SLC51A: variants seen among roughly 807,000 people sequenced by gnomAD.
SLC51A encodes the protein organic solute transporter subunit alpha.
A neutral mutation model predicts 34.8 loss-of-function variants in SLC51A; 22 were observed. That is an observed-to-expected ratio of 0.63 (90% confidence interval 0.45 to 0.90). SLC51A has a LOEUF of 0.90. SLC51A is among the 40% of genes least tolerant of loss of function. The pLI is 0.00. For missense variants in SLC51A, 371 were observed against 414.8 expected (o/e 0.89, Z 0.92); for synonymous variants, 181 against 176.3 (o/e 1.03, Z -0.21).
At position 196,233,187 on chromosome 3, in the gene SLC51A, C is replaced by T; in HGVS notation, c.1011C>T (p.Asn337=). 6.2e-7 allele frequency: 1 copy of T among 1,614,190 alleles called. No homozygotes were observed. Among genetic ancestry groups the T allele is most frequent in the Non-Finnish European group, 8.5e-7 (1 of 1,180,034 alleles). The part of the protein sequence containing the change: ...ETFSSPDLDL[N]LKA ...TCTCTTCTCCAGACCTGGACTTGAA[C>T]CTCAAAGCCTAAGGTGGATGGCTTG... The change falls in exon 9 of 9, where the codon AAC becomes AAT. Residue 337 remains asparagine, a synonymous_variant. Coordinates refer to ENST00000296327, the MANE Select transcript of SLC51A (RefSeq NM_152672.6).
intron 6 of SLC51A, among the ~76,000 whole-genome samples, chr3:196,229,669 G>A (rs971014651): frequency 1.1e-4 from 15 of 140,104 alleles, no homozygotes; most frequent in South Asian, 9.2e-4. Flanking sequence ...GAGCCACCAC[G>A]CCTGGCCCAT....
In SLC51A at chr3:196,228,783, T is replaced by C; in HGVS notation, c.522-26T>C. 1 of 1,600,432 alleles carries C rather than the reference T, an allele frequency of 6.2e-7. No homozygotes were observed. The highest frequency in any genetic ancestry group is 1.1e-5 in the South Asian group (1 of 90,788). On this transcript the variant is annotated intron_variant, in intron 5 of 8. Transcript: ENST00000296327. This position sits in a 1 kb window ranked among gnomAD's most constrained non-coding sequence, Gnocchi z 4.9. ...CTGGGGCAGGGGGTTTGTGGGCCCA[T>C]GTTCCTAACCCTCTTCCCCACTCAG...
intron 2 of SLC51A, among the ~76,000 whole-genome samples, chr3:196,223,169 C>T (rs1472585266): frequency 6.6e-6 from 1 of 151,820 alleles, no homozygotes; most frequent in African/African-American, 2.4e-5. Flanking sequence ...CACTTCCAGG[C>T]TGTGTGACCC....
In SLC51A at chr3:196,216,661, G is replaced by A. The variant is rs943271117; in HGVS notation, c.-52G>A. ...CCCCCGGCCCCCACCTGCCCGCCCC[G>A]CCTGCCCTTCCTCACCCCGGTGCCT... is the stretch of plus-strand genomic sequence containing the variant. On this transcript the variant is annotated 5_prime_UTR_variant, in exon 1 of 9. Transcript: ENST00000296327. The surrounding 1 kb of genome is among the most constrained non-coding windows in gnomAD (Gnocchi z 4.5). 21 of 1,247,798 alleles carry A rather than the reference G, an allele frequency of 1.7e-5. No individual in the cohort carries two copies. The highest frequency in any genetic ancestry group is 4.7e-5 in the African/African-American group (3 of 63,320). 77.3% of individuals were successfully genotyped at this position (1,247,798 alleles called of 1,614,324 possible). A position where few individuals can be genotyped will look rare whatever the true frequency, so the allele number is the denominator to read the frequency against.
Position 196,233,133 on chromosome 3 carries a change from G to A in SLC51A, c.957G>A (p.Arg319=). The stretch of plus-strand genomic sequence containing the variant: ...TGCTGACACGAATGTACTACCGAAG[G>A]AAAGACCACAAGGTTGGGTATGAAA... ...MTVLTRMYYR[R]KDHKVGYETF... The change falls in exon 9 of 9, where the codon AGG becomes AGA. Residue 319 remains arginine (R), a synonymous_variant. Coordinates refer to ENST00000296327, the MANE Select transcript of SLC51A (RefSeq NM_152672.6). 1 of 1,614,204 alleles carries A rather than the reference G, an allele frequency of 6.2e-7. No homozygotes were observed. The highest frequency in any genetic ancestry group is 1.1e-5 in the South Asian group (1 of 91,084).
chr3:196,231,160 A>G (rs1309514031), intron 7 of SLC51A, among the ~76,000 whole-genome samples: 1 of 152,074 alleles, frequency 6.6e-6, no homozygotes, highest in African/African-American at 2.4e-5. Context: ...CCATTTTACA[A>G]AGGAAGAAAC....
chr3:196,216,799 C>G lies in SLC51A; in HGVS notation c.38+49C>G. The G allele has an allele frequency of 1.3e-6, 2 of 1,534,718 alleles. No homozygotes were observed. Among genetic ancestry groups the G allele is most frequent in the Non-Finnish European group, 1.8e-6 (2 of 1,134,998 alleles). On this transcript the variant is annotated intron_variant, in intron 1 of 8. Coordinates refer to ENST00000296327, the MANE Select transcript of SLC51A (RefSeq NM_152672.6). This position sits in a 1 kb window ranked among gnomAD's most constrained non-coding sequence, Gnocchi z 4.5. The stretch of plus-strand genomic sequence containing the variant: ...GGCCAGTCGCTGGGCAGCGGTGGCC[C>G]CTATCCCGCGGCCTGTCCTCTCTCC...
intron 2 of SLC51A, among the ~76,000 whole-genome samples, chr3:196,226,100 T>G (rs1723884865): frequency 6.6e-6 from 1 of 152,182 alleles, no homozygotes. Context: ...AAGGACTGCT[T>G]AAGCCTAGGA....
Position 196,227,683 on chromosome 3 carries a change from G to C in SLC51A, c.308G>C (p.Cys103Ser), listed in dbSNP as rs149437891. Residue 103 changes from cysteine (C) to serine (S), a missense_variant, in exon 4 of 9, where the codon TGC (cysteine) becomes TCC (serine). Physicochemically the swap from Cys to Ser is moderately radical, Grantham distance 112 (BLOSUM62 -1). Coordinates refer to ENST00000296327, the MANE Select transcript of SLC51A (RefSeq NM_152672.6). ...GAGCAGGTGGTGTCTGTGCTGTGCT[G>C]CTTTGGTCTCTGGATCCCTCGTTCC... ...SAPTVVSVLC[C>S]FGLWIPRSLV... 1.1e-4 allele frequency: 181 copies of C among 1,613,958 alleles called. No homozygotes were observed. In the African/African-American group the frequency reaches 2.3e-3, roughly 20 times the overall value.
In SLC51A at chr3:196,228,054, C is replaced by T. The variant is rs189327580; in HGVS notation, c.363-61C>T. The T allele has an allele frequency of 6.4e-6, 10 of 1,573,012 alleles. No homozygotes were observed. Among genetic ancestry groups the T allele is most frequent in the Non-Finnish European group, 8.6e-6 (10 of 1,156,572 alleles). On this transcript the variant is annotated intron_variant, in intron 4 of 8. Coordinates refer to ENST00000296327, the MANE Select transcript of SLC51A (RefSeq NM_152672.6). This position sits in a 1 kb window ranked among gnomAD's most constrained non-coding sequence, Gnocchi z 4.9. ...CTCTGCTCCTCAGTAAGCCCCACCT[C>T]TCCCTGCTGTCTTTCTCTCTGGCAG...
intron 2 of SLC51A, chr3:196,225,688 C>T (rs748414999): frequency 7.2e-5 from 11 of 152,202 alleles, no homozygotes; most frequent in African/African-American, 1.9e-4. Flanking sequence ...CACGTTTGTT[C>T]GGAAACACAT....
In SLC51A at chr3:196,228,838, C is replaced by G. The variant is rs1160272266; in HGVS notation, c.551C>G (p.Pro184Arg). Residue 184 changes from proline to arginine, a missense_variant, in exon 6 of 9, where the codon CCT (proline) becomes CGT (arginine). Physicochemically the swap from Pro to Arg is moderately radical, Grantham distance 103 (BLOSUM62 -2). Coordinates refer to ENST00000296327, the MANE Select transcript of SLC51A (RefSeq NM_152672.6). This position sits in a 1 kb window ranked among gnomAD's most constrained non-coding sequence, Gnocchi z 4.9. ...AAGCTTCAGCTGCTGATGTTGGGCC[C>G]TTTCCAATACGCCTTCTTGAAGATA... Reference protein sequence around the residue: ...RKKLQLLMLGPFQYAFLKITL... With the variant: ...RKKLQLLMLGRFQYAFLKITL... 6.2e-7 allele frequency: 1 copy of G among 1,614,176 alleles called. No individual in the cohort carries two copies. The highest frequency in any genetic ancestry group is 8.5e-7 in the Non-Finnish European group (1 of 1,180,034).
chr3:196,230,157 A>T (rs1341731951), intron 7 of SLC51A, 96 bp downstream of exon 7: 8 of 1,191,852 alleles, frequency 6.7e-6, no homozygotes, highest in Non-Finnish European at 7.8e-6. Flanking sequence ...GTGGGCCGGG[A>T]ATCTTTTTCA....
At chr3:196,221,603 G>A (rs1723757544) in intron 2 of SLC51A, among the ~76,000 whole-genome samples, 1 of 152,080 alleles carries the variant, frequency 6.6e-6, no homozygotes, top group Non-Finnish European at 1.5e-5. Flanking sequence ...CTACACGCCA[G>A]GTGCTTTGCT....
In SLC51A at chr3:196,217,887, C is replaced by G; in HGVS notation, c.84C>G (p.Ile28Met). The G allele has an allele frequency of 6.2e-7, 1 of 1,613,642 alleles. No homozygotes were observed. Among genetic ancestry groups the G allele is most frequent in the Non-Finnish European group, 8.5e-7 (1 of 1,179,824 alleles). ...LLEVLKTNYG[I>M]PSACFSQPPT... ...AGGTGCTGAAGACCAATTACGGCAT[C>G]CCCTCCGCCTGCTTCTCTCAGCCTC... is the stretch of plus-strand genomic sequence containing the variant. Residue 28 changes from isoleucine to methionine, a missense_variant, in exon 2 of 9, where the codon ATC (isoleucine) becomes ATG (methionine). Transcript: ENST00000296327.
chr3:196,217,821 C>A, intron 1 of SLC51A, 21 bp from the exon 2 acceptor site: 1 of 1,609,462 alleles, frequency 6.2e-7, no homozygotes, highest in Non-Finnish European at 8.5e-7. Context: ...TGGTTCTGAG[C>A]ACAGGCTGGT....
intron 3 of SLC51A, 107 bp from the exon 4 acceptor site, chr3:196,227,557 G>T (rs749674519): frequency 5.4e-6 from 5 of 918,464 alleles, no homozygotes; most frequent in South Asian, 1.3e-5. Context: ...TTTAAGGAAC[G>T]CTGCCTCGAA....
intron 6 of SLC51A, among the ~76,000 whole-genome samples, chr3:196,229,689 T>TAAAAAAAAAAAAAAAA (rs77390915): frequency 1.5e-5 from 2 of 135,594 alleles, no homozygotes; most frequent in Non-Finnish European, 3.1e-5. Flanking sequence ...TCTCTATTAT[T>TAAAAAAAAAAAAAAAA]AAAAAAAAAA....
chr3:196,226,824 A>T, intron 2 of SLC51A, 141 bp from the exon 3 acceptor site: 1 of 619,128 alleles, frequency 1.6e-6, no homozygotes, highest in Non-Finnish European at 2.6e-6. Flanking sequence ...TCTTAGGTTG[A>T]ATACTCTAGG....
Sources: gnomAD v4.1 joint callset for allele counts (sites outside exome capture counted in the v4.1 genomes callset) on GRCh38, gnomAD v4.1.1 for gene constraint, Gnocchi (gnomAD v3.1) non-coding constraint, MANE v1.5 for transcripts, NCBI Gene and HGNC (gene_info 2026-07-23, HGNC 2026-07-21) for gene names.